Variants in TDRD12 observed in about 807,000 individuals in gnomAD.
TDRD12 encodes the protein tudor domain containing 12.
In TDRD12, 158 loss-of-function variants were observed where a neutral mutation model predicts 133.5. The observed-to-expected ratio is 1.18, with a 90% CI of 1.04 to 1.35. The LOEUF (loss-of-function observed/expected upper bound fraction) is 1.35, where lower values mean the gene tolerates loss of function less well. TDRD12 is among the 40% of genes most tolerant of loss of function. The pLI is 0.00. For missense variants in TDRD12, 1,443 were observed against 1,321.3 expected (o/e 1.09, Z -1.43); for synonymous variants, 460 against 477.9 (o/e 0.96, Z 0.49).
At chr19:32,729,274 G>T (rs1968964491) in intron 1 of TDRD12, among the ~76,000 whole-genome samples, 1 of 144,488 alleles carries the variant, frequency 6.9e-6, no homozygotes, top group Non-Finnish European at 1.5e-5. Context: ...CTGGAGTGCA[G>T]TGGCGCAATC....
chr19:32,827,372 CTTTTTTT>C (rs549327733), exon 10 of TDRD12: 57 of 122,326 alleles, frequency 4.7e-4, no homozygotes, highest in Middle Eastern at 3.2e-3. Flanking sequence ...CTTTTCTTTT[CTTTTTTT>C]TTTTTTTTTT....
chr19:32,756,153 G>A (rs1969985443), exon 7 of TDRD12: 1 of 1,431,914 alleles, frequency 7.0e-7, no homozygotes, highest in Non-Finnish European at 9.1e-7. Context: ...CAATGTTTTT[G>A]CAAGGAAAAG....
At chr19:32,720,137 T>TGGCG in intron 1 of TDRD12, 41 bp downstream of exon 1, 1 of 1,520,054 alleles carries the variant, frequency 6.6e-7, no homozygotes, top group Non-Finnish European at 8.8e-7. Context: ...ACCCACGCAG[T>TGGCG]CCCCCACCCC....
At chr19:32,776,480 C>T (rs1183679064) in intron 10 of TDRD12, among the ~76,000 whole-genome samples, 2 of 152,294 alleles carry the variant, frequency 1.3e-5, no homozygotes, top group Admixed American at 6.5e-5. Context: ...GTTTAAAGGG[C>T]GCCTCTTCCC....
intron 2 of TDRD12, 30 bp from the exon 3 acceptor site, chr19:32,738,826 A>C: frequency 1.3e-6 from 2 of 1,545,082 alleles, no homozygotes; most frequent in Non-Finnish European, 1.7e-6. Context: ...AAAATAAATA[A>C]ATAAAAATAA....
intron 4 of TDRD12, among the ~76,000 whole-genome samples, chr19:32,745,077 C>T (rs904721535): frequency 1.3e-5 from 2 of 152,248 alleles, no homozygotes; most frequent in Non-Finnish European, 1.5e-5. Context: ...GCCAGCCCCC[C>T]CCACTACTCA....
chr19:32,721,761 G>A (rs967471697), intron 1 of TDRD12, among the ~76,000 whole-genome samples: 1 of 148,278 alleles, frequency 6.7e-6, no homozygotes, highest in South Asian at 2.1e-4. Context: ...AGGCTGGAGT[G>A]CAGTGGCGCG....
intron 8 of TDRD12, among the ~76,000 whole-genome samples, chr19:32,768,281 G>A (rs1056017082): frequency 1.3e-5 from 2 of 152,158 alleles, no homozygotes; most frequent in East Asian, 1.9e-4. Flanking sequence ...CAGATTTTGT[G>A]TGTCCCTGTA....
intron 2 of TDRD12, among the ~76,000 whole-genome samples, chr19:32,736,788 GA>G (rs1026082554): frequency 1.3e-5 from 2 of 152,204 alleles, no homozygotes; most frequent in African/African-American, 4.8e-5. Context: ...TTTATTAGTT[GA>G]GTTGGCTGTG....
At chr19:32,820,958 T>A (rs891315172) in intron 27 of TDRD12, 75 bp from the exon 28 acceptor site, 1 of 1,240,358 alleles carries the variant, frequency 8.1e-7, no homozygotes, top group African/African-American at 1.5e-5. Flanking sequence ...CACGGTCATT[T>A]ATTGCCTGCC....
At chr19:32,799,611 G>A (rs755317274) in intron 16 of TDRD12, among the ~76,000 whole-genome samples, 19 of 149,566 alleles carry the variant, frequency 1.3e-4, no homozygotes, top group Non-Finnish European at 2.5e-4. Flanking sequence ...TTAATCTCTT[G>A]TTTGTTTGTT....
intron 11 of TDRD12, among the ~76,000 whole-genome samples, chr19:32,785,902 T>A (rs538317583): frequency 6.6e-6 from 1 of 152,308 alleles, no homozygotes; most frequent in African/African-American, 2.4e-5. Flanking sequence ...GTCTGTGTCT[T>A]TTAATTGGGG....
chr19:32,737,805 T>C (rs1457679261), intron 2 of TDRD12, among the ~76,000 whole-genome samples: 1 of 152,228 alleles, frequency 6.6e-6, no homozygotes, highest in Non-Finnish European at 1.5e-5. Context: ...CGTCCAGTTA[T>C]GACAGATAGT....
rs116284837 is a variant in TDRD12 at position 32,749,587 on chromosome 19, G to A, written c.497-197G>A. ...GGACCACAGGGTGGCACAGGAACCT[G>A]TTGACAGGGACAGGACCCATAATCC... On this transcript the variant is annotated intron_variant, in intron 5 of 27. Coordinates refer to ENST00000444215, the Ensembl canonical transcript of TDRD12. Among the ~76,000 whole-genome samples the A allele has an allele frequency of 9.1e-3, 1,392 of 152,216 alleles. 21 individuals are homozygous for A. The highest frequency in any genetic ancestry group is 0.032 in the African/African-American group (1,310 of 41,518).
intron 14 of TDRD12, among the ~76,000 whole-genome samples, chr19:32,796,724 A>G (rs1971238796): frequency 6.6e-6 from 1 of 152,226 alleles, no homozygotes; most frequent in Non-Finnish European, 1.5e-5. Flanking sequence ...GGCCGAACCC[A>G]GGCTCAGGGC....
chr19:32,821,603 C>T (rs1031450738), downstream of TDRD12, among the ~76,000 whole-genome samples: 2 of 152,172 alleles, frequency 1.3e-5, no homozygotes, highest in Non-Finnish European at 1.5e-5. Flanking sequence ...ATTTTGAACT[C>T]CTGGCCTCAA....
At chr19:32,751,111 C>T (rs1182816790) in intron 6 of TDRD12, among the ~76,000 whole-genome samples, 2 of 146,980 alleles carry the variant, frequency 1.4e-5, no homozygotes, top group African/African-American at 5.1e-5. Flanking sequence ...TCCCCCCTCC[C>T]CACCCCCCGA....
downstream of TDRD12, among the ~76,000 whole-genome samples, chr19:32,822,470 G>A (rs1040188567): frequency 6.6e-6 from 1 of 152,084 alleles, no homozygotes; most frequent in African/African-American, 2.4e-5. Flanking sequence ...AAACGGGGCT[G>A]GGTGCGGTGT....
At chr19:32,778,847 G>A (rs1193981655) in intron 11 of TDRD12, among the ~76,000 whole-genome samples, 1 of 152,138 alleles carries the variant, frequency 6.6e-6, no homozygotes, top group Non-Finnish European at 1.5e-5. Flanking sequence ...AAAAAGTTCT[G>A]TCTTGTCTCC....
Sources: allele counts gnomAD v4.1 joint callset (sites outside exome capture counted in the v4.1 genomes callset), GRCh38; gene constraint gnomAD v4.1.1; transcripts MANE v1.5; gene names NCBI Gene and HGNC (gene_info 2026-07-23, HGNC 2026-07-21).